HMGN2: variants seen among roughly 807,000 people sequenced by gnomAD.
HMGN2 encodes non-histone chromosomal protein HMG-17.
HMGN2 carries 2 observed loss-of-function variants against 16.9 expected under a neutral mutation model. That is an observed-to-expected ratio of 0.12 (90% CI 0.05 to 0.37). HMGN2 has a LOEUF of 0.37. HMGN2 is among the 10% of genes least tolerant of loss of function. The probability of loss-of-function intolerance (pLI) is 1.00; values close to 1 mark genes in which losing one functional copy is unlikely to be tolerated. For synonymous variants in HMGN2, 31 were observed against 34.9 expected, an observed-to-expected ratio of 0.89 and a Z score of 0.39; for missense variants, 90 against 106.0, an observed-to-expected ratio of 0.85 and a Z score of 0.66.
chr1:26,473,361 A>G, intron 1 of HMGN2, 122 bp from the exon 2 acceptor site: 2 of 717,622 alleles, frequency 2.8e-6, no homozygotes, highest in South Asian at 3.4e-5. Context: ...GGGCTCACTC[A>G]TTTATGTCCT....
chr1:26,475,081 C>T lies in HMGN2; in HGVS notation c.238-32C>T, dbSNP rs752997549. The T allele has an allele frequency of 5.2e-5, 83 of 1,584,210 alleles. 1 individual carries two copies. The highest frequency in any genetic ancestry group is 3.1e-4 in the South Asian group (28 of 89,940). Reference sequence around the variant, plus strand: ...TGAACACAGATAGTTTTGAAATCTACGCATTGCATTAATTTGTCTGTTTTC... The same window carrying T: ...TGAACACAGATAGTTTTGAAATCTATGCATTGCATTAATTTGTCTGTTTTC... On this transcript the variant is annotated intron_variant, in intron 5 of 5. Coordinates refer to ENST00000361427, the MANE Select transcript of HMGN2 (RefSeq NM_005517.4).
chr1:26,474,200 A>C (rs1257799393), intron 4 of HMGN2, 65 bp downstream of exon 4: 1 of 1,167,004 alleles, frequency 8.6e-7, no homozygotes, highest in Non-Finnish European at 1.2e-6. Context: ...GCCTTAACTT[A>C]ATTAGCATAA....
At position 26,476,484 on chromosome 1, in the gene HMGN2, A is replaced by G. The variant is rs2075609777; in HGVS notation, c.*1336A>G. Among the ~76,000 whole-genome samples, 1 of 152,142 alleles carries G rather than the reference A, an allele frequency of 6.6e-6. No individual in the cohort carries two copies. The highest frequency in any genetic ancestry group is 2.4e-5 in the African/African-American group (1 of 41,440). On this transcript the variant is annotated 3_prime_UTR_variant, in exon 6 of 6. Transcript: ENST00000361427. ...CAATGGGGTCTTTCCTGATTCCTTT[A>G]GTTTGGAGATGCAGAGAACCCCACG...
At position 26,472,493 on chromosome 1, in the gene HMGN2, C is replaced by T. The variant is rs1311858846; in HGVS notation, c.-120C>T. The T allele has an allele frequency of 3.3e-6, 4 of 1,222,400 alleles. No homozygotes were observed. In the East Asian group the frequency reaches 1.0e-4, roughly 32 times the overall value. 75.7% of individuals were successfully genotyped at this position (1,222,400 alleles called of 1,614,324 possible). ...CCCAGCGCTATAAAAACTTTATAAA[C>T]CCCCCGGAGCCCGAGCAGTGTGAAG... On this transcript the variant is annotated 5_prime_UTR_variant, in exon 1 of 6. Coordinates refer to ENST00000361427, the MANE Select transcript of HMGN2 (RefSeq NM_005517.4).
intron 1 of HMGN2, 123 bp downstream of exon 1, chr1:26,472,750 G>C: frequency 1.2e-6 from 1 of 861,884 alleles, no homozygotes. Flanking sequence ...CCGCGCGGGG[G>C]CTGGAGACGG....
At chr1:26,472,673 C>T in intron 1 of HMGN2, 46 bp downstream of exon 1, 4 of 1,446,604 alleles carry the variant, frequency 2.8e-6, no homozygotes, top group Non-Finnish European at 3.7e-6. Context: ...ACTGCCGCCA[C>T]CGCCGCCGCC....
At chr1:26,473,043 GGCGGGGCTTGTGCGGTATGGCCCCGCCCC>G (rs1245377498) in intron 1 of HMGN2, among the ~76,000 whole-genome samples, 2 of 151,342 alleles carry the variant, frequency 1.3e-5, no homozygotes, top group Non-Finnish European at 3.0e-5. Context: ...CGCCGTGAGG[GGCGGGGCTTGTGCGGTATGGCCCCGCCCC>G]CTCGCCCACG....
chr1:26,474,366 C>T (rs1222517720), intron 4 of HMGN2, among the ~76,000 whole-genome samples: 2 of 152,140 alleles, frequency 1.3e-5, no homozygotes, highest in Non-Finnish European at 2.9e-5. Flanking sequence ...CTAATTTATT[C>T]TTCTGTTACT....
intron 2 of HMGN2, 58 bp downstream of exon 2, chr1:26,473,585 G>C (rs1015737547): frequency 1.3e-6 from 2 of 1,550,036 alleles, no homozygotes; most frequent in Non-Finnish European, 1.8e-6. Flanking sequence ...CACTGGACTC[G>C]GTGATTAACC....
chr1:26,472,529 A>G lies in HMGN2; in HGVS notation c.-84A>G. ...CCGAGCAGTGTGAAGAAGAGGCGAGAACGACCCCCGGACCGACCAAAGCCC... is the reference window on the plus strand; with the variant it reads ...CCGAGCAGTGTGAAGAAGAGGCGAGGACGACCCCCGGACCGACCAAAGCCC... On this transcript the variant is annotated 5_prime_UTR_variant, in exon 1 of 6. Transcript: ENST00000361427. 5 of 1,506,334 alleles carry G rather than the reference A, an allele frequency of 3.3e-6. No homozygotes were observed. The highest frequency in any genetic ancestry group is 4.5e-6 in the Non-Finnish European group (5 of 1,123,060). 93.3% of individuals were successfully genotyped at this position (1,506,334 alleles called of 1,614,324 possible).
In HMGN2 at chr1:26,472,470, C is replaced by T; in HGVS notation, c.-143C>T. 9.7e-7 allele frequency: 1 copy of T among 1,026,156 alleles called. No homozygotes were observed. The highest frequency in any genetic ancestry group is 2.1e-5 in the Admixed American group (1 of 48,648). The allele number at this position is 1,026,156 out of a possible 1,614,324, so 63.6% of individuals were successfully genotyped here. A position where few individuals can be genotyped will look rare whatever the true frequency, so the allele number is the denominator to read the frequency against. On this transcript the variant is annotated 5_prime_UTR_variant, in exon 1 of 6. Coordinates refer to ENST00000361427, the MANE Select transcript of HMGN2 (RefSeq NM_005517.4). ...CCGGTTCTAACCGGTCCGGGGCTCC[C>T]AGCGCTATAAAAACTTTATAAACCC... is the stretch of plus-strand genomic sequence containing the variant.
In HMGN2 at chr1:26,475,062, CAG is replaced by C. The variant is rs765503265; in HGVS notation, c.238-49_238-48del. 5.4e-6 allele frequency: 8 copies of C among 1,482,466 alleles called. No individual in the cohort carries two copies. In the East Asian group the frequency reaches 1.8e-4, roughly 33 times the overall value. 91.8% of individuals were successfully genotyped at this position (1,482,466 alleles called of 1,614,324 possible). A position where few individuals can be genotyped will look rare whatever the true frequency, so the allele number is the denominator to read the frequency against. ...TGATGCTGTAGGTGGAATGTGAACA[CAG>C]ATAGTTTTGAAATCTACGCATTGCA... is the stretch of plus-strand genomic sequence containing the variant. On this transcript the variant is annotated intron_variant, in intron 5 of 5. Transcript: ENST00000361427.
In HMGN2 at chr1:26,473,300, G is replaced by C. The variant is rs971535579; in HGVS notation, c.16-183G>C. ...CGCTCCGGTCCAGCCCTCGCTTCTC[G>C]GGGTCGGCGAGCCGGAGCTCCTGCG... On this transcript the variant is annotated intron_variant, in intron 1 of 5. Transcript: ENST00000361427. The C allele has an allele frequency of 3.6e-4, 215 of 600,032 alleles. No homozygotes were observed. In the Middle Eastern group the frequency reaches 4.4e-3, roughly 12 times the overall value. 37.2% of individuals were successfully genotyped at this position (600,032 alleles called of 1,614,324 possible).
In HMGN2 at chr1:26,474,128, C is replaced by G. The variant is rs756777610; in HGVS notation, c.134C>G (p.Pro45Arg). The G allele has an allele frequency of 6.2e-7, 1 of 1,608,294 alleles. No individual in the cohort carries two copies. Among genetic ancestry groups the G allele is most frequent in the Non-Finnish European group, 8.5e-7 (1 of 1,178,056 alleles). The change falls in exon 4 of 6, where the codon CCT becomes CGT. Residue 45 changes from proline to arginine, a missense_variant. By Grantham distance (103) the Pro-to-Arg change is moderately radical (BLOSUM62 -2). Coordinates refer to ENST00000361427, the MANE Select transcript of HMGN2 (RefSeq NM_005517.4). ...PKPEPKPKKA[P>R]AKKGEKVPKG... ...CCAGAGCCCAAGCCTAAAAAGGCCC[C>G]TGCAAAGGTAAGTGCTAACATTGGA... is the stretch of plus-strand genomic sequence containing the variant.
At position 26,472,647 on chromosome 1, in the gene HMGN2, C is replaced by CA; in HGVS notation, c.15+21dup. The CA allele has an allele frequency of 5.9e-6, 9 of 1,528,676 alleles. No individual in the cohort carries two copies. The highest frequency in any genetic ancestry group is 7.9e-6 in the Non-Finnish European group (9 of 1,143,942). The allele number at this position is 1,528,676 out of a possible 1,614,324, so 94.7% of individuals were successfully genotyped here. On this transcript the variant is annotated intron_variant, in intron 1 of 5. Coordinates refer to ENST00000361427, the MANE Select transcript of HMGN2 (RefSeq NM_005517.4). ...AGAAAGGTACGTGGCGCGAGGGCCC[C>CA]AGGCGCCGGGCCACCACTGCCGCCA...
In HMGN2 at chr1:26,474,095, C is replaced by T; in HGVS notation, c.101C>T (p.Pro34Leu). The T allele has an allele frequency of 2.5e-6, 4 of 1,611,462 alleles. No individual in the cohort carries two copies. The highest frequency in any genetic ancestry group is 2.2e-5 in the East Asian group (1 of 44,880). The stretch of plus-strand genomic sequence containing the variant: ...TCCTGCCAAAAAAAGAAACCTGCTC[C>T]TCCAAAGCCAGAGCCCAAGCCTAAA... ...RSARLSAKPAPPKPEPKPKKA... is the reference protein window; with the variant it reads ...RSARLSAKPALPKPEPKPKKA... Residue 34 changes from proline to leucine, a missense_variant, in exon 4 of 6, where the codon CCT (proline) becomes CTT (leucine). Coordinates refer to ENST00000361427, the MANE Select transcript of HMGN2 (RefSeq NM_005517.4).
In HMGN2 at chr1:26,475,848, A is replaced by G. The variant is rs992535595; in HGVS notation, c.*700A>G. On this transcript the variant is annotated 3_prime_UTR_variant, in exon 6 of 6. Transcript: ENST00000361427. ...GTGGCTTTCTGATTTTTGGTAGTCC[A>G]TTGAAGAAGGGAGTTTGAAAGTTGT... 12 of 302,574 alleles carry G rather than the reference A, an allele frequency of 4.0e-5. No homozygotes were observed. The highest frequency in any genetic ancestry group is 6.6e-5 in the Non-Finnish European group (10 of 151,702). 18.7% of individuals were successfully genotyped at this position (302,574 alleles called of 1,614,324 possible). A position where few individuals can be genotyped will look rare whatever the true frequency, so the allele number is the denominator to read the frequency against.
chr1:26,473,635 C>T, intron 2 of HMGN2, 68 bp from the exon 3 acceptor site: 1 of 1,572,264 alleles, frequency 6.4e-7, no homozygotes, highest in Non-Finnish European at 8.8e-7. Flanking sequence ...TAATCTAGAG[C>T]AAATTGATAC....
rs2075596550 is a variant in HMGN2, at chr1:26,474,681, T to G, written c.237+14T>G. 1 of 1,250,890 alleles carries G rather than the reference T, an allele frequency of 8.0e-7. No homozygotes were observed. Among genetic ancestry groups the G allele is most frequent in the East Asian group, 2.3e-5 (1 of 43,188 alleles). The allele number at this position is 1,250,890 out of a possible 1,614,324, so 77.5% of individuals were successfully genotyped here. On this transcript the variant is annotated intron_variant, in intron 5 of 5. Coordinates refer to ENST00000361427, the MANE Select transcript of HMGN2 (RefSeq NM_005517.4). ...AAAACAGACCAGGTATAACTGCTGT[T>G]TCACCCTTTGTTAGATTTGTTCATT...
Sources: allele counts gnomAD v4.1 joint callset (sites outside exome capture counted in the v4.1 genomes callset), GRCh38; gene constraint gnomAD v4.1.1; transcripts MANE v1.5; gene names NCBI Gene and HGNC (gene_info 2026-07-23, HGNC 2026-07-21).